HPCAL1: variants seen among roughly 807,000 people sequenced by gnomAD.
The protein encoded by HPCAL1 is hippocalcin-like protein 1.
Under a neutral mutation model 17.1 loss-of-function variants are expected in HPCAL1, and 8 were observed. The observed-to-expected ratio is 0.47, with a 90% CI of 0.27 to 0.84. The LOEUF is 0.84. Ranked by LOEUF, HPCAL1 falls within the 40% of genes least tolerant of loss-of-function variation. The probability of loss-of-function intolerance (pLI) is 0.13; values close to 1 mark genes in which losing one functional copy is unlikely to be tolerated. For missense variants in HPCAL1, 165 were observed against 271.1 expected (o/e 0.61, Z 2.75); for synonymous variants, 112 against 111.4 (o/e 1.01, Z -0.03).
intron 2 of HPCAL1, among the ~76,000 whole-genome samples, chr2:10,403,742 C>T (rs1163031337): frequency 1.3e-5 from 2 of 152,060 alleles, no homozygotes; most frequent in Non-Finnish European, 2.9e-5. Flanking sequence ...CTCACCCTCC[C>T]AAAGTGCTGG....
intron 2 of HPCAL1, among the ~76,000 whole-genome samples, chr2:10,413,818 TGGTTTTCACTGAG>T (rs1215832029): frequency 2.0e-5 from 3 of 152,254 alleles, no homozygotes; most frequent in Non-Finnish European, 4.4e-5. Flanking sequence ...AGAGGTGATT[TGGTTTTCACTGAG>T]GTGAGTGGAT....
chr2:10,394,371 CG>C lies in HPCAL1; in HGVS notation c.-110-2463del, dbSNP rs893027306. Among the ~76,000 whole-genome samples the C allele has an allele frequency of 6.6e-6, 1 of 151,986 alleles. No homozygotes were observed. Among genetic ancestry groups the C allele is most frequent in the Non-Finnish European group, 1.5e-5 (1 of 67,998 alleles). On this transcript the variant is annotated intron_variant, in intron 1 of 4. Coordinates refer to ENST00000307845, the MANE Select transcript of HPCAL1 (RefSeq NM_002149.4). This position sits in a 1 kb window ranked among gnomAD's most constrained non-coding sequence, Gnocchi z 5.0. ...CTGGTTCCATTGCTGGGTTTCTCCT[CG>C]TGGAGAGCCCTTGACCCTGTCCAGG...
intron 1 of HPCAL1, among the ~76,000 whole-genome samples, chr2:10,385,916 C>T (rs540651486): frequency 6.6e-6 from 1 of 152,246 alleles, no homozygotes; most frequent in Admixed American, 6.5e-5. Context: ...TCCGGAGCCT[C>T]TCCTCTCTGG....
In HPCAL1 at chr2:10,420,209, C is replaced by CTTTTTT. The variant is rs369044166; in HGVS notation, c.378+91_378+96dup. On this transcript the variant is annotated intron_variant, in intron 3 of 4. Coordinates refer to ENST00000307845, the MANE Select transcript of HPCAL1 (RefSeq NM_002149.4). ...CCAGCTCCCAGCCCCCAGCCCAGGG[C>CTTTTTT]TTTTTTTTTTTTTTTTTTTTTTAAG... 1.3e-4 allele frequency: 74 copies of CTTTTTT among 571,910 alleles called. 1 individual carries two copies. The highest frequency in any genetic ancestry group is 1.2e-3 in the African/African-American group (39 of 32,684). The allele number at this position is 571,910 out of a possible 1,614,324, so 35.4% of individuals were successfully genotyped here.
At chr2:10,364,865 G>A (rs1666751158) in intron 1 of HPCAL1, among the ~76,000 whole-genome samples, 1 of 152,072 alleles carries the variant, frequency 6.6e-6, no homozygotes, top group South Asian at 2.1e-4. Context: ...GTTTATAGGT[G>A]TGAGTCACTG....
At chr2:10,399,018 G>A (rs1436986116) in intron 2 of HPCAL1, among the ~76,000 whole-genome samples, 2 of 152,016 alleles carry the variant, frequency 1.3e-5, no homozygotes, top group East Asian at 1.9e-4. Context: ...GTCCTGGCCC[G>A]AGGCCACTGT....
chr2:10,409,562 G>C (rs574422774), intron 2 of HPCAL1, among the ~76,000 whole-genome samples: 1 of 152,164 alleles, frequency 6.6e-6, no homozygotes, highest in Admixed American at 6.6e-5. Flanking sequence ...TGCAGGGGCC[G>C]TGTGGGTCCA....
At chr2:10,308,616 G>A (rs1662769817) in intron 1 of HPCAL1, among the ~76,000 whole-genome samples, 1 of 152,102 alleles carries the variant, frequency 6.6e-6, no homozygotes, top group South Asian at 2.1e-4. Context: ...TGGCCATCCC[G>A]CTGCTAGATG....
rs1400671429 is a variant in HPCAL1 at position 10,367,761 on chromosome 2, A to C, written c.-110-29074A>C. Reference sequence around the variant, plus strand: ...GAGCCCTGTGCTGGAGTGGAGGGTGACAGAGCTTCGGACATGAGCAGCCTC... The same window carrying C: ...GAGCCCTGTGCTGGAGTGGAGGGTGCCAGAGCTTCGGACATGAGCAGCCTC... On this transcript the variant is annotated intron_variant, in intron 1 of 4. Coordinates refer to ENST00000307845, the MANE Select transcript of HPCAL1 (RefSeq NM_002149.4). This position sits in a 1 kb window ranked among gnomAD's most constrained non-coding sequence, Gnocchi z 4.4. 6.6e-6 allele frequency among the ~76,000 whole-genome samples: 1 copy of C among 152,108 alleles called. No individual in the cohort carries two copies. The highest frequency in any genetic ancestry group is 6.5e-5 in the Admixed American group (1 of 15,270).
intron 1 of HPCAL1, among the ~76,000 whole-genome samples, chr2:10,347,462 T>C (rs1418377403): frequency 1.3e-5 from 2 of 152,122 alleles, no homozygotes; most frequent in Non-Finnish European, 2.9e-5. Flanking sequence ...TGGACCACGG[T>C]GGGGCAAAGG....
chr2:10,345,333 G>T (rs765078930), intron 1 of HPCAL1, among the ~76,000 whole-genome samples: 5 of 152,172 alleles, frequency 3.3e-5, no homozygotes, highest in Non-Finnish European at 7.3e-5. Flanking sequence ...ACCTTGGGCG[G>T]CTTTCAAGTT....
chr2:10,388,061 G>A (rs1217090373), intron 1 of HPCAL1, among the ~76,000 whole-genome samples: 3 of 152,126 alleles, frequency 2.0e-5, no homozygotes, highest in African/African-American at 7.2e-5. Context: ...GAGGACAATT[G>A]GAGGCTTCTG....
chr2:10,386,290 G>A (rs1034609308), intron 1 of HPCAL1, among the ~76,000 whole-genome samples: 7 of 152,212 alleles, frequency 4.6e-5, no homozygotes, highest in African/African-American at 1.2e-4. Flanking sequence ...AAAGCCCTCC[G>A]TGAATGGGCT....
At chr2:10,336,907 G>T (rs887056922) in intron 1 of HPCAL1, among the ~76,000 whole-genome samples, 12 of 151,972 alleles carry the variant, frequency 7.9e-5, no homozygotes, top group Admixed American at 7.2e-4. Context: ...ACCACACCTG[G>T]GTAATTTTTA....
At position 10,304,631 on chromosome 2, in the gene HPCAL1, C is replaced by T. The variant is rs1477881978; in HGVS notation, c.-111+1454C>T. On this transcript the variant is annotated intron_variant, in intron 1 of 4. Transcript: ENST00000307845. The surrounding 1 kb of genome is among the most constrained non-coding windows in gnomAD (Gnocchi z 4.1). ...AGTCGTAAAATTGAACCGCAGTGAA[C>T]GAGCACCCAGCTCTTACCACGACTC... Among the ~76,000 whole-genome samples the T allele has an allele frequency of 6.6e-6, 1 of 152,232 alleles. No homozygotes were observed. The highest frequency in any genetic ancestry group is 1.5e-5 in the Non-Finnish European group (1 of 68,046).
At chr2:10,322,470 A>G (rs1472880269) in intron 1 of HPCAL1, among the ~76,000 whole-genome samples, 2 of 152,218 alleles carry the variant, frequency 1.3e-5, no homozygotes, top group Admixed American at 1.3e-4. Context: ...GCTTCCACCA[A>G]GGGGCTGGAA....
At chr2:10,392,494 TTG>T (rs1163605772) in intron 1 of HPCAL1, among the ~76,000 whole-genome samples, 1 of 152,236 alleles carries the variant, frequency 6.6e-6, no homozygotes, top group Non-Finnish European at 1.5e-5. Context: ...TTCTGGTAGT[TTG>T]TGTCTTTCTA....
chr2:10,416,293 G>T (rs1670668665), intron 2 of HPCAL1, among the ~76,000 whole-genome samples: 1 of 152,234 alleles, frequency 6.6e-6, no homozygotes, highest in Non-Finnish European at 1.5e-5. Flanking sequence ...AAGTGGAACT[G>T]CCCCAGTGAG....
intron 3 of HPCAL1, among the ~76,000 whole-genome samples, chr2:10,422,229 A>T (rs1671108864): frequency 6.6e-6 from 1 of 152,006 alleles, no homozygotes; most frequent in Admixed American, 6.6e-5. Context: ...CTTGGTTGCT[A>T]CCTCTTTCTC....
Sources: allele counts gnomAD v4.1 joint callset (sites outside exome capture counted in the v4.1 genomes callset), GRCh38; gene constraint gnomAD v4.1.1; non-coding constraint Gnocchi (gnomAD v3.1); transcripts MANE v1.5; gene names NCBI Gene and HGNC (gene_info 2026-07-23, HGNC 2026-07-21).